The following FAM171A1 variants were observed in gnomAD, a reference collection of about 807,000 sequenced individuals.
FAM171A1 encodes family with sequence similarity 171 member A1.
FAM171A1 carries 23 observed loss-of-function variants against 74.9 expected under a neutral mutation model. That is an observed-to-expected ratio of 0.31 (90% CI 0.22 to 0.44). The LOEUF is 0.44. FAM171A1 is among the 20% of genes least tolerant of loss of function. The pLI is 1.00. For synonymous variants in FAM171A1, 527 were observed against 505.7 expected, an observed-to-expected ratio of 1.04 and a Z score of -0.57; for missense variants, 1,162 against 1,159.2, an observed-to-expected ratio of 1.00 and a Z score of -0.03.
At chr10:15,254,605 T>C (rs1310513193) in intron 4 of FAM171A1, 116 bp downstream of exon 4, 9 of 1,142,864 alleles carry the variant, frequency 7.9e-6, no homozygotes, top group Non-Finnish European at 9.9e-6. Flanking sequence ...ATTCCCCTTC[T>C]GCACCTTCAG....
chr10:15,277,095 T>C (rs1301253130), intron 2 of FAM171A1, among the ~76,000 whole-genome samples: 1 of 152,182 alleles, frequency 6.6e-6, no homozygotes, highest in Non-Finnish European at 1.5e-5. Context: ...AACAAATAAA[T>C]GCATTATAGA....
At chr10:15,227,255 C>T (rs1308140334) in intron 5 of FAM171A1, among the ~76,000 whole-genome samples, 2 of 152,230 alleles carry the variant, frequency 1.3e-5, no homozygotes, top group Non-Finnish European at 2.9e-5. Context: ...TCCCCCTTGG[C>T]CTCCCAAAGT....
intron 5 of FAM171A1, among the ~76,000 whole-genome samples, chr10:15,238,778 C>G (rs141749259): frequency 9.4e-4 from 143 of 152,284 alleles, no homozygotes; most frequent in Middle Eastern, 3.4e-3. Flanking sequence ...ACCACCATTT[C>G]TATAGCAACC....
chr10:15,280,821 A>T (rs1834958874), intron 2 of FAM171A1, among the ~76,000 whole-genome samples: 1 of 152,228 alleles, frequency 6.6e-6, no homozygotes, highest in Non-Finnish European at 1.5e-5. Flanking sequence ...CATCTCCAAA[A>T]ATATGCACAA....
At chr10:15,338,317 T>C (rs1188674339) in intron 1 of FAM171A1, among the ~76,000 whole-genome samples, 2 of 152,220 alleles carry the variant, frequency 1.3e-5, no homozygotes, top group Non-Finnish European at 2.9e-5. Context: ...TTGTATGCTC[T>C]TTCCCAACAG....
intron 1 of FAM171A1, among the ~76,000 whole-genome samples, chr10:15,331,784 T>A (rs1217447482): frequency 6.7e-6 from 1 of 148,602 alleles, no homozygotes; most frequent in African/African-American, 2.5e-5. Context: ...TATATATGTA[T>A]AGATGTGTGT....
chr10:15,370,935 G>A, intron 1 of FAM171A1, 21 bp downstream of exon 1: 1 of 1,120,198 alleles, frequency 8.9e-7, no homozygotes, highest in South Asian at 1.8e-5. Context: ...AAAGCCCCCG[G>A]CCCCGCCGCC....
At chr10:15,276,340 C>G (rs1834894773) in intron 2 of FAM171A1, among the ~76,000 whole-genome samples, 1 of 152,108 alleles carries the variant, frequency 6.6e-6, no homozygotes, top group Admixed American at 6.5e-5. Flanking sequence ...GCCACCATGC[C>G]CAGATAATTT....
chr10:15,283,741 T>A, intron 2 of FAM171A1, 137 bp downstream of exon 2: 1 of 775,682 alleles, frequency 1.3e-6, no homozygotes, highest in South Asian at 1.8e-5. Flanking sequence ...CACACTATGA[T>A]GCCTGGCTAA....
Position 15,213,930 on chromosome 10 carries a change from G to A in FAM171A1, c.1658C>T (p.Ser553Phe). The A allele has an allele frequency of 6.2e-7, 1 of 1,614,208 alleles. No homozygotes were observed. Among genetic ancestry groups the A allele is most frequent in the Non-Finnish European group, 8.5e-7 (1 of 1,180,046 alleles). ...GATTAACTGGCCGGGCCGTGGGAAG[G>A]ACGTAGGTCTCTCGAGGTGATCTAC... is the stretch of plus-strand genomic sequence containing the variant. ...RSVDHLERPT[S>F]FPRPGQLICC... The change falls in exon 8 of 8, where the codon TCC becomes TTC. Residue 553 changes from serine (S) to phenylalanine (F), a missense_variant. Coordinates refer to ENST00000378116, the MANE Select transcript of FAM171A1 (RefSeq NM_001010924.2). The surrounding 1 kb of genome is among the most constrained non-coding windows in gnomAD (Gnocchi z 6.8).
chr10:15,367,231 C>CAG (rs1564293219), intron 1 of FAM171A1, among the ~76,000 whole-genome samples: 7 of 152,096 alleles, frequency 4.6e-5, no homozygotes, highest in Non-Finnish European at 1.0e-4. Flanking sequence ...AACACACACA[C>CAG]AAAAACTGAG....
chr10:15,279,486 T>C (rs772965869), intron 2 of FAM171A1, among the ~76,000 whole-genome samples: 1 of 151,600 alleles, frequency 6.6e-6, no homozygotes, highest in Non-Finnish European at 1.5e-5. Context: ...GGGAGGCTGA[T>C]TGATGTCTGG....
intron 1 of FAM171A1, among the ~76,000 whole-genome samples, chr10:15,351,580 G>GATGGATGGATGGATGGATGC (rs1564288142): frequency 3.2e-4 from 48 of 150,130 alleles, no homozygotes; most frequent in Admixed American, 4.0e-4. Flanking sequence ...TGGATGGATG[G>GATGGATGGATGGATGGATGC]ATGGATGGAT....
At position 15,285,957 on chromosome 10, in the gene FAM171A1, G is replaced by C. The variant is rs115850476; in HGVS notation, c.98-1852C>G. Among the ~76,000 whole-genome samples the C allele has an allele frequency of 9.7e-3, 1,472 of 152,344 alleles. 24 individuals are homozygous for C. The highest frequency in any genetic ancestry group is 0.034 in the African/African-American group (1,396 of 41,570). On this transcript the variant is annotated intron_variant, in intron 1 of 7. Transcript: ENST00000378116. ...GTTCTGCAATTCTCACTGGAGGTTC[G>C]AATCTCAGCTCCACCATGTGCTAGC...
upstream of FAM171A1, among the ~76,000 whole-genome samples, chr10:15,371,371 C>T (rs1187821796): frequency 1.4e-5 from 2 of 146,570 alleles, no homozygotes; most frequent in East Asian, 2.0e-4. Context: ...GCGGCTGCGG[C>T]GCCGAGGGCG....
chr10:15,274,783 G>A (rs1834871785), intron 3 of FAM171A1, among the ~76,000 whole-genome samples: 1 of 152,002 alleles, frequency 6.6e-6, no homozygotes, highest in Admixed American at 6.6e-5. Context: ...CAAGAAATGG[G>A]GAAATGATTC....
At chr10:15,372,598 T>G (rs1320260015), upstream of FAM171A1, among the ~76,000 whole-genome samples, 1 of 146,616 alleles carries the variant, frequency 6.8e-6, no homozygotes, top group Non-Finnish European at 1.5e-5. Context: ...CTCAGGAGGC[T>G]GAGGTGGGAG....
At chr10:15,339,162 A>C (rs1052051704) in intron 1 of FAM171A1, among the ~76,000 whole-genome samples, 19 of 152,192 alleles carry the variant, frequency 1.2e-4, no homozygotes, top group African/African-American at 4.6e-4. Flanking sequence ...ATATAGAATA[A>C]TTTTTGATTT....
At chr10:15,366,322 G>A (rs1015341102) in intron 1 of FAM171A1, among the ~76,000 whole-genome samples, 2 of 152,076 alleles carry the variant, frequency 1.3e-5, no homozygotes, top group Non-Finnish European at 2.9e-5. Flanking sequence ...GTTTCACCAC[G>A]TTGGCCAGGC....
Sources: gnomAD v4.1 joint callset for allele counts (sites outside exome capture counted in the v4.1 genomes callset) on GRCh38, gnomAD v4.1.1 for gene constraint, Gnocchi (gnomAD v3.1) non-coding constraint, MANE v1.5 for transcripts, NCBI Gene and HGNC (gene_info 2026-07-23, HGNC 2026-07-21) for gene names.